The following GALNT18 variants were observed in gnomAD, a reference collection of about 807,000 sequenced individuals.
GALNT18 encodes the protein polypeptide N-acetylgalactosaminyltransferase 18.
Under a neutral mutation model 69.5 loss-of-function variants are expected in GALNT18, and 44 were observed. That is an observed-to-expected ratio of 0.63 (90% CI 0.50 to 0.81). The LOEUF (loss-of-function observed/expected upper bound fraction) is 0.81. GALNT18 is among the 40% of genes least tolerant of loss of function. The pLI, the probability that GALNT18 is intolerant of heterozygous loss-of-function variation, is 0.00. For missense variants in GALNT18, 715 were observed against 810.0 expected (o/e 0.88, Z 1.42); for synonymous variants, 364 against 318.2 (o/e 1.14, Z -1.53).
Position 11,332,971 on chromosome 11 carries a change from A to AT in GALNT18, c.1279-141dup. The AT allele has an allele frequency of 1.6e-5, 14 of 851,264 alleles. No individual in the cohort carries two copies. The highest frequency in any genetic ancestry group is 2.4e-5 in the Non-Finnish European group (13 of 545,652). The allele number at this position is 851,264 out of a possible 1,614,324, so 52.7% of individuals were successfully genotyped here. A position where few individuals can be genotyped will look rare whatever the true frequency, so the allele number is the denominator to read the frequency against. ...GACCATGTGGCACGTTAACTCTTGC[A>AT]TTTTCCCACGGGTACCTTAACCCCG... is the stretch of plus-strand genomic sequence containing the variant. On this transcript the variant is annotated intron_variant, in intron 7 of 10. Transcript: ENST00000227756. This position sits in a 1 kb window ranked among gnomAD's most constrained non-coding sequence, Gnocchi z 4.3.
intron 6 of GALNT18, among the ~76,000 whole-genome samples, chr11:11,343,322 C>G (rs1001926978): frequency 1.3e-5 from 2 of 151,628 alleles, no homozygotes; most frequent in African/African-American, 4.9e-5. Flanking sequence ...TGCACTCCAG[C>G]CTAGGCAACA....
chr11:11,286,328 G>A (rs1015166115), intron 10 of GALNT18, among the ~76,000 whole-genome samples: 12 of 152,282 alleles, frequency 7.9e-5, no homozygotes, highest in African/African-American at 2.4e-4. Context: ...GAAGAAGTGC[G>A]TGTTTATGCC....
intron 3 of GALNT18, among the ~76,000 whole-genome samples, chr11:11,428,623 G>T (rs1855191619): frequency 6.6e-6 from 1 of 152,174 alleles, no homozygotes; most frequent in Admixed American, 6.5e-5. Context: ...CAGAGGCCCT[G>T]CTCCAAACTC....
At chr11:11,328,548 A>G (rs1157658362) in intron 8 of GALNT18, among the ~76,000 whole-genome samples, 1 of 152,182 alleles carries the variant, frequency 6.6e-6, no homozygotes, top group African/African-American at 2.4e-5. Flanking sequence ...CCCTGTTCCT[A>G]ACAGGGGACA....
rs890599070 is a variant in GALNT18 at position 11,500,126 on chromosome 11, C to T, written c.236-51190G>A. ...AATATTCTCATCCCATTTCCTTCTACGAAAAGACTTAATTAGCAACCTCAA... is the reference window on the plus strand; with the variant it reads ...AATATTCTCATCCCATTTCCTTCTATGAAAAGACTTAATTAGCAACCTCAA... On this transcript the variant is annotated intron_variant, in intron 1 of 10. Coordinates refer to ENST00000227756, the MANE Select transcript of GALNT18 (RefSeq NM_198516.3). The surrounding 1 kb of genome is among the most constrained non-coding windows in gnomAD (Gnocchi z 5.0). Among the ~76,000 whole-genome samples, 7 of 152,118 alleles carry T rather than the reference C, an allele frequency of 4.6e-5. No homozygotes were observed. Among genetic ancestry groups the T allele is most frequent in the Non-Finnish European group, 8.8e-5 (6 of 68,030 alleles).
At position 11,271,051 on chromosome 11, in the gene GALNT18, C is replaced by A; in HGVS notation, c.*93G>T. 2 of 1,241,818 alleles carry A rather than the reference C, an allele frequency of 1.6e-6. No individual in the cohort carries two copies. The highest frequency in any genetic ancestry group is 1.6e-5 in the South Asian group (1 of 60,914). The allele number at this position is 1,241,818 out of a possible 1,614,324, so 76.9% of individuals were successfully genotyped here. ...TCTTGGGGGCCCACTAACCTGGTTC[C>A]CCAGACTCCAAACAACCCCACGTGG... On this transcript the variant is annotated 3_prime_UTR_variant, in exon 11 of 11. Transcript: ENST00000227756.
At chr11:11,559,904 AT>A (rs1858432641) in intron 1 of GALNT18, among the ~76,000 whole-genome samples, 1 of 52,980 alleles carries the variant, frequency 1.9e-5, no homozygotes, top group African/African-American at 7.1e-5. Context: ...GATGGGATGG[AT>A]GGGATGGAAT....
Position 11,472,533 on chromosome 11 carries a change from G to A in GALNT18, c.236-23597C>T, listed in dbSNP as rs898178414. On this transcript the variant is annotated intron_variant, in intron 1 of 10. Transcript: ENST00000227756. ...ATTATTCATTCTGTAATAAGAAATC[G>A]GTAACAAATGACAAGTTAAGTGCTT... is the stretch of plus-strand genomic sequence containing the variant. Among the ~76,000 whole-genome samples the A allele has an allele frequency of 1.7e-4, 26 of 152,068 alleles. 1 individual carries two copies. The highest frequency in any genetic ancestry group is 2.0e-4 in the Admixed American group (3 of 15,282).
At chr11:11,282,634 AG>A (rs1449370923) in intron 10 of GALNT18, among the ~76,000 whole-genome samples, 1 of 152,154 alleles carries the variant, frequency 6.6e-6, no homozygotes, top group Non-Finnish European at 1.5e-5. Context: ...AACTAGACTG[AG>A]GGAGCTGGTG....
rs7931994 is a variant in GALNT18, at chr11:11,389,041, A to G, written c.596-9777T>C. Among the ~76,000 whole-genome samples, 42,129 of 152,124 alleles carry G rather than the reference A, an allele frequency of 0.28. 6,013 individuals carry two copies. Among genetic ancestry groups the G allele is most frequent in the Middle Eastern group, 0.49 (143 of 294 alleles). On this transcript the variant is annotated intron_variant, in intron 3 of 10. Coordinates refer to ENST00000227756, the MANE Select transcript of GALNT18 (RefSeq NM_198516.3). The surrounding 1 kb of genome is among the most constrained non-coding windows in gnomAD (Gnocchi z 4.3). ...AGAGAGGCTAAAGGATTTGCCCAGT[A>G]TCACAGAGCTAGAAGATGGCAGAGC...
chr11:11,318,676 A>G lies in GALNT18; in HGVS notation c.1512+8410T>C, dbSNP rs73417682. 0.027 allele frequency among the ~76,000 whole-genome samples: 4,099 copies of G among 152,282 alleles called. 174 individuals are homozygous for G. Among genetic ancestry groups the G allele is most frequent in the African/African-American group, 0.095 (3,929 of 41,536 alleles). On this transcript the variant is annotated intron_variant, in intron 9 of 10. Transcript: ENST00000227756. The surrounding 1 kb of genome is among the most constrained non-coding windows in gnomAD (Gnocchi z 5.1). ...AGATGGTCAGGCTGTGACCCATAAG[A>G]GTCACTGAGTCACTAGTGGCCTGGA...
In GALNT18 at chr11:11,283,853, G is replaced by A. The variant is rs373801900; in HGVS notation, c.1677+9176C>T. Among the ~76,000 whole-genome samples the A allele has an allele frequency of 7.9e-5, 12 of 152,240 alleles. 1 individual carries two copies. Among genetic ancestry groups the A allele is most frequent in the African/African-American group, 2.4e-4 (10 of 41,518 alleles). On this transcript the variant is annotated intron_variant, in intron 10 of 10. Transcript: ENST00000227756. Reference sequence around the variant, plus strand: ...TTGGAATGAAAACCAAATTAAATATGGAAACATCAGCTAAAAGAAAAAAAT... The same window carrying A: ...TTGGAATGAAAACCAAATTAAATATAGAAACATCAGCTAAAAGAAAAAAAT...
At chr11:11,274,781 ATGAG>A (rs1352458129) in intron 10 of GALNT18, among the ~76,000 whole-genome samples, 7 of 152,070 alleles carry the variant, frequency 4.6e-5, no homozygotes, top group Non-Finnish European at 7.3e-5. Context: ...ACTCCCACTT[ATGAG>A]TGAGAACACG....
chr11:11,287,971 C>G lies in GALNT18; in HGVS notation c.1677+5058G>C, dbSNP rs567878259. On this transcript the variant is annotated intron_variant, in intron 10 of 10. Transcript: ENST00000227756. Reference sequence around the variant, plus strand: ...AAGTCCTCCCTGATAGCTGCATGTCCCCACACCCCTGTGGCAACCAAGTCC... The same window carrying G: ...AAGTCCTCCCTGATAGCTGCATGTCGCCACACCCCTGTGGCAACCAAGTCC... Among the ~76,000 whole-genome samples, 6 of 152,250 alleles carry G rather than the reference C, an allele frequency of 3.9e-5. No homozygotes were observed. In the East Asian group the frequency reaches 1.2e-3, roughly 29 times the overall value.
At chr11:11,610,303 T>TAAAA (rs1483261009) in intron 1 of GALNT18, among the ~76,000 whole-genome samples, 1 of 152,232 alleles carries the variant, frequency 6.6e-6, no homozygotes, top group African/African-American at 2.4e-5. Context: ...AATGGGCTTT[T>TAAAA]ATCTGTTACT....
chr11:11,329,185 C>T (rs1297725195), intron 8 of GALNT18, among the ~76,000 whole-genome samples: 4 of 152,206 alleles, frequency 2.6e-5, no homozygotes, highest in Non-Finnish European at 4.4e-5. Context: ...ACAATGTCTA[C>T]AAGTGCTTAG....
chr11:11,502,798 G>A (rs181593300), intron 1 of GALNT18, among the ~76,000 whole-genome samples: 8 of 152,304 alleles, frequency 5.3e-5, no homozygotes, highest in South Asian at 2.1e-4. Flanking sequence ...CATGAGAGGC[G>A]TAGCGTATCC....
At chr11:11,360,456 C>T (rs1850621149) in intron 6 of GALNT18, among the ~76,000 whole-genome samples, 1 of 152,158 alleles carries the variant, frequency 6.6e-6, no homozygotes, top group South Asian at 2.1e-4. Context: ...GTCACTAAGC[C>T]AATTTGATTC....
chr11:11,478,523 C>T (rs1856450868), intron 1 of GALNT18, among the ~76,000 whole-genome samples: 1 of 152,152 alleles, frequency 6.6e-6, no homozygotes, highest in Non-Finnish European at 1.5e-5. Flanking sequence ...CGAGGCAGGC[C>T]TGAGCAAACA....
Sources: gnomAD v4.1 joint callset for allele counts (sites outside exome capture counted in the v4.1 genomes callset) on GRCh38, gnomAD v4.1.1 for gene constraint, Gnocchi (gnomAD v3.1) non-coding constraint, MANE v1.5 for transcripts, NCBI Gene and HGNC (gene_info 2026-07-23, HGNC 2026-07-21) for gene names.